Variants in CRAT observed in about 807,000 individuals in gnomAD.
CRAT encodes the protein carnitine acetylase.
A neutral mutation model predicts 73.7 loss-of-function variants in CRAT; 66 were observed. That is an observed-to-expected ratio of 0.90 (90% CI 0.73 to 1.10). CRAT has a LOEUF of 1.10. Among genes scored for constraint, CRAT ranks in the 50% least tolerant of loss-of-function variants. The probability of loss-of-function intolerance (pLI) is 0.00; values close to 1 mark genes in which losing one functional copy is unlikely to be tolerated. For missense variants in CRAT, 745 were observed against 846.9 expected (o/e 0.88, Z 1.49); for synonymous variants, 321 against 343.2 (o/e 0.94, Z 0.71).
chr9:129,095,140 G>T lies in CRAT; in HGVS notation c.*257C>A. 1 of 543,970 alleles carries T rather than the reference G, an allele frequency of 1.8e-6. No individual in the cohort carries two copies. Among genetic ancestry groups the T allele is most frequent in the Non-Finnish European group, 3.3e-6 (1 of 304,214 alleles). 33.7% of individuals were successfully genotyped at this position (543,970 alleles called of 1,614,324 possible). On this transcript the variant is annotated 3_prime_UTR_variant, in exon 14 of 14. Transcript: ENST00000318080. ...GGAGGCACCGGTGGAGGACGTGCCA[G>T]GGGCCCGGGCCTAACGTCCTGCTCA...
intron 1 of CRAT, among the ~76,000 whole-genome samples, chr9:129,109,749 G>A: frequency 6.6e-6 from 1 of 152,176 alleles, no homozygotes; most frequent in Non-Finnish European, 1.5e-5. Flanking sequence ...CGTAGTGTGT[G>A]TCTGAGACAG....
intron 12 of CRAT, among the ~76,000 whole-genome samples, chr9:129,096,749 C>T (rs1034866902): frequency 2.0e-5 from 3 of 152,220 alleles, no homozygotes; most frequent in Non-Finnish European, 2.9e-5. Context: ...GTTACTGGGC[C>T]CAGGCTGGGT....
rs376945998 is a variant in CRAT at position 129,097,223 on chromosome 9, T to C, written c.1527+27A>G. ...CAGATGGCTGACACTAAGGGACAAG[T>C]GAGTAGGCACAAGCGGGCTCACTTA... On this transcript the variant is annotated intron_variant, in intron 12 of 13. Transcript: ENST00000318080. The C allele has an allele frequency of 1.4e-4, 215 of 1,536,538 alleles. No individual in the cohort carries two copies. In the Admixed American group the frequency reaches 1.8e-3, roughly 13 times the overall value.
At chr9:129,098,778 C>CT (rs1270291619) in intron 8 of CRAT, 128 bp from the exon 9 acceptor site, 4 of 1,046,240 alleles carry the variant, frequency 3.8e-6, no homozygotes, top group Non-Finnish European at 5.3e-6. Context: ...TGAGTTTGTT[C>CT]TGAAAACCAC....
At chr9:129,105,728 C>T (rs887218597) in intron 2 of CRAT, among the ~76,000 whole-genome samples, 2 of 152,146 alleles carry the variant, frequency 1.3e-5, no homozygotes, top group Non-Finnish European at 2.9e-5. Flanking sequence ...AGTAGATACC[C>T]ACTTTGATCT....
Position 129,107,539 on chromosome 9 carries a change from T to C in CRAT, c.291+275A>G, listed in dbSNP as rs765168481. ...ATCTTCTATCTGGTTGTACCTGCCG[T>C]GCACCCCACTCCTGCCTCTGTCCTG... On this transcript the variant is annotated intron_variant, in intron 2 of 13. Transcript: ENST00000318080. This position sits in a 1 kb window ranked among gnomAD's most constrained non-coding sequence, Gnocchi z 5.0. 46 of 652,640 alleles carry C rather than the reference T, an allele frequency of 7.0e-5. No individual in the cohort carries two copies. Among genetic ancestry groups the C allele is most frequent in the African/African-American group, 6.7e-4 (38 of 56,536 alleles). 40.4% of individuals were successfully genotyped at this position (652,640 alleles called of 1,614,324 possible). A position where few individuals can be genotyped will look rare whatever the true frequency, so the allele number is the denominator to read the frequency against.
Position 129,106,516 on chromosome 9 carries a change from A to C in CRAT, c.291+1298T>G, listed in dbSNP as rs1238662388. ...ACCCTTCGGTGGCCCCGTGAGTGGA[A>C]GGAGGGGTGCCCCCACCCCTTTAAC... On this transcript the variant is annotated intron_variant, in intron 2 of 13. Coordinates refer to ENST00000318080, the MANE Select transcript of CRAT (RefSeq NM_000755.5). The surrounding 1 kb of genome is among the most constrained non-coding windows in gnomAD (Gnocchi z 4.0). 2.0e-5 allele frequency among the ~76,000 whole-genome samples: 3 copies of C among 152,154 alleles called. No homozygotes were observed. Among genetic ancestry groups the C allele is most frequent in the Non-Finnish European group, 2.9e-5 (2 of 68,012 alleles).
Position 129,103,305 on chromosome 9 carries a change from G to A in CRAT, c.411-239C>T, listed in dbSNP as rs1364156568. On this transcript the variant is annotated intron_variant, in intron 3 of 13. Transcript: ENST00000318080. This position sits in a 1 kb window ranked among gnomAD's most constrained non-coding sequence, Gnocchi z 4.6. ...CTCGGGGAAGTGCTGGTGGCCAAGG[G>A]CCTAGTAGGACTTGGGTGCTGGCCC... Among the ~76,000 whole-genome samples, 1 of 152,194 alleles carries A rather than the reference G, an allele frequency of 6.6e-6. No individual in the cohort carries two copies. The highest frequency in any genetic ancestry group is 1.5e-5 in the Non-Finnish European group (1 of 68,024).
Position 129,107,710 on chromosome 9 carries a change from C to T in CRAT, c.291+104G>A, listed in dbSNP as rs761589364. The stretch of plus-strand genomic sequence containing the variant: ...GTGCCAGACACAGAGTATGTGCTCA[C>T]GAAACTCTGGGCAGCAAACGAACGG... On this transcript the variant is annotated intron_variant, in intron 2 of 13. Coordinates refer to ENST00000318080, the MANE Select transcript of CRAT (RefSeq NM_000755.5). This position sits in a 1 kb window ranked among gnomAD's most constrained non-coding sequence, Gnocchi z 5.0. 7.3e-5 allele frequency: 112 copies of T among 1,544,224 alleles called. No homozygotes were observed. Among genetic ancestry groups the T allele is most frequent in the Non-Finnish European group, 8.6e-5 (97 of 1,126,492 alleles).
chr9:129,096,965 G>A (rs1847313470), intron 12 of CRAT, among the ~76,000 whole-genome samples: 1 of 152,108 alleles, frequency 6.6e-6, no homozygotes, highest in African/African-American at 2.4e-5. Flanking sequence ...CTACTTGGGA[G>A]GCTGAGGCAG....
At chr9:129,109,063 G>A (rs1848202956) in intron 1 of CRAT, 1 of 1,262,784 alleles carries the variant, frequency 7.9e-7, no homozygotes, top group Non-Finnish European at 1.0e-6. Context: ...TGGGGAGCAG[G>A]TGAGAGGGCT....
In CRAT at chr9:129,103,151, G is replaced by A. The variant is rs1312119577; in HGVS notation, c.411-85C>T. 20 of 1,186,548 alleles carry A rather than the reference G, an allele frequency of 1.7e-5. No homozygotes were observed. The highest frequency in any genetic ancestry group is 2.5e-5 in the Non-Finnish European group (20 of 791,536). 73.5% of individuals were successfully genotyped at this position (1,186,548 alleles called of 1,614,324 possible). A position where few individuals can be genotyped will look rare whatever the true frequency, so the allele number is the denominator to read the frequency against. ...AGGGACACCTGCTTGGGGAGCGGGA[G>A]GTCTAGTCTTCCAGCCTCTCTCACC... On this transcript the variant is annotated intron_variant, in intron 3 of 13. Coordinates refer to ENST00000318080, the MANE Select transcript of CRAT (RefSeq NM_000755.5). The surrounding 1 kb of genome is among the most constrained non-coding windows in gnomAD (Gnocchi z 4.6).
At chr9:129,099,657 A>G (rs1847534704) in intron 8 of CRAT, among the ~76,000 whole-genome samples, 1 of 151,850 alleles carries the variant, frequency 6.6e-6, no homozygotes, top group South Asian at 2.1e-4. Context: ...GCTGATCTCA[A>G]ACTCCTGACC....
At position 129,104,299 on chromosome 9, in the gene CRAT, TCAGA is replaced by T; in HGVS notation, c.295_298del (p.Glu100GlyfsTer22). On this transcript the variant is annotated frameshift_variant, in exon 3 of 14. Transcript: ENST00000318080. LOFTEE classifies it high-confidence loss of function. The stretch of plus-strand genomic sequence containing the variant: ...GAGGTAGGCGGTCTTGAGCCACCAC[TCAGA>T]CAGCTGGGAAAAGTGCCAGAGCCTG... 1 of 1,613,048 alleles carries T rather than the reference TCAGA, an allele frequency of 6.2e-7. No individual in the cohort carries two copies. Among genetic ancestry groups the T allele is most frequent in the Non-Finnish European group, 8.5e-7 (1 of 1,179,424 alleles).
At chr9:129,102,741 A>C (rs1564165362) in intron 4 of CRAT, among the ~76,000 whole-genome samples, 176 bp from the exon 5 acceptor site, 1 of 152,174 alleles carries the variant, frequency 6.6e-6, no homozygotes, top group Non-Finnish European at 1.5e-5. Flanking sequence ...TTTCTGCCCC[A>C]GATGGGCCCT....
chr9:129,098,251 GTAGTAGGC>G lies in CRAT; in HGVS notation c.1318_1325del (p.Ala440GlnfsTer11), dbSNP rs767591349. 1.9e-6 allele frequency: 3 copies of G among 1,613,722 alleles called. No individual in the cohort carries two copies. The highest frequency in any genetic ancestry group is 2.5e-6 in the Non-Finnish European group (3 of 1,180,004). On this transcript the variant is annotated frameshift_variant, in exon 10 of 14. Coordinates refer to ENST00000318080, the MANE Select transcript of CRAT (RefSeq NM_000755.5). LOFTEE classifies it high-confidence loss of function. ...ATGGGTGGGCCACAGAGGCGCACCT[GTAGTAGGC>G]CAGCTGCAAAGCCATCTGGATGAAG...
chr9:129,098,454 G>A (rs1430645867), intron 9 of CRAT, 77 bp downstream of exon 9: 25 of 1,592,106 alleles, frequency 1.6e-5, no homozygotes, highest in Non-Finnish European at 2.1e-5. Context: ...TCATGACAGA[G>A]CTGGCACAGG....
At position 129,110,461 on chromosome 9, in the gene CRAT, G is replaced by A; in HGVS notation, c.27+22C>T. 6.4e-7 allele frequency: 1 copy of A among 1,573,798 alleles called. No individual in the cohort carries two copies. The highest frequency in any genetic ancestry group is 8.6e-7 in the Non-Finnish European group (1 of 1,167,728). On this transcript the variant is annotated intron_variant, in intron 1 of 13. Coordinates refer to ENST00000318080, the MANE Select transcript of CRAT (RefSeq NM_000755.5). This position sits in a 1 kb window ranked among gnomAD's most constrained non-coding sequence, Gnocchi z 5.3. ...CGCCCAGGCCGTCCAGGGCCCTCAG[G>A]CCCGGGATCCGCCGCACTCACCACG... is the stretch of plus-strand genomic sequence containing the variant.
chr9:129,108,917 A>G, intron 1 of CRAT: 1 of 1,278,440 alleles, frequency 7.8e-7, no homozygotes, highest in South Asian at 1.3e-5. Flanking sequence ...GAAAGAGAAG[A>G]CAAGAGCCAA....
Sources: allele counts gnomAD v4.1 joint callset (sites outside exome capture counted in the v4.1 genomes callset), GRCh38; gene constraint gnomAD v4.1.1; non-coding constraint Gnocchi (gnomAD v3.1); transcripts MANE v1.5; gene names NCBI Gene and HGNC (gene_info 2026-07-23, HGNC 2026-07-21).